Variants in U2SURP observed in about 807,000 individuals in gnomAD.
The protein encoded by U2SURP is U2 snRNP-associated SURP motif-containing protein.
In U2SURP, 9 loss-of-function variants were observed where a neutral mutation model predicts 144.9. The observed-to-expected ratio is 0.06, with a 90% CI of 0.04 to 0.11. The LOEUF (loss-of-function observed/expected upper bound fraction) is 0.11. U2SURP is among the 10% of genes least tolerant of loss of function. The pLI, the probability that U2SURP is intolerant of heterozygous loss-of-function variation, is 1.00. For missense variants in U2SURP, 724 were observed against 1,226.7 expected, an observed-to-expected ratio of 0.59 and a Z score of 6.12; for synonymous variants, 408 against 396.8, an observed-to-expected ratio of 1.03 and a Z score of -0.33.
intron 25 of U2SURP, among the ~76,000 whole-genome samples, chr3:143,053,428 T>C (rs1934987954): frequency 1.3e-5 from 2 of 152,186 alleles, no homozygotes; most frequent in Admixed American, 6.5e-5. Context: ...CTGTTTAGTA[T>C]ATTGTTTGGC....
intron 27 of U2SURP, 28 bp from the exon 28 acceptor site, chr3:143,056,284 A>G (rs369450421): frequency 2.0e-5 from 32 of 1,577,158 alleles, no homozygotes; most frequent in Middle Eastern, 3.6e-4. Flanking sequence ...TACTTTATCA[A>G]TTGGGATTTT....
At chr3:143,037,998 C>A in intron 21 of U2SURP, 110 bp from the exon 22 acceptor site, 1 of 663,626 alleles carries the variant, frequency 1.5e-6, no homozygotes, top group Non-Finnish European at 2.4e-6. Context: ...ATTTGTCCAT[C>A]TGTGTCCTTA....
At chr3:143,032,360 C>T (rs867140641) in intron 16 of U2SURP, among the ~76,000 whole-genome samples, 18 of 152,054 alleles carry the variant, frequency 1.2e-4, no homozygotes, top group Admixed American at 5.9e-4. Context: ...CATGAGCCAC[C>T]GCACCCAGCC....
At chr3:143,019,260 G>A (rs1020607901) in intron 6 of U2SURP, among the ~76,000 whole-genome samples, 1 of 152,132 alleles carries the variant, frequency 6.6e-6, no homozygotes, top group Non-Finnish European at 1.5e-5. Context: ...ATGGAAGCAT[G>A]GAGGTTTTAA....
intron 24 of U2SURP, among the ~76,000 whole-genome samples, chr3:143,047,873 G>C (rs1437096476): frequency 4.7e-5 from 4 of 84,332 alleles, no homozygotes; most frequent in Non-Finnish European, 9.4e-5. Context: ...CTGGCCGGGC[G>C]GGGGGCTGAC....
At chr3:143,045,739 T>A (rs552046980) in intron 24 of U2SURP, among the ~76,000 whole-genome samples, 1 of 152,360 alleles carries the variant, frequency 6.6e-6, no homozygotes, top group South Asian at 2.1e-4. Flanking sequence ...GCTTTCATAG[T>A]GACTGCCTCT....
At chr3:143,055,204 A>T in intron 27 of U2SURP, 85 bp downstream of exon 27, 4 of 1,290,032 alleles carry the variant, frequency 3.1e-6, no homozygotes, top group Non-Finnish European at 3.1e-6. Flanking sequence ...TGGTTGGCAT[A>T]CATTTTTTTT....
intron 13 of U2SURP, 80 bp from the exon 14 acceptor site, chr3:143,027,069 A>G (rs1262977881): frequency 9.1e-7 from 1 of 1,104,306 alleles, no homozygotes; most frequent in East Asian, 2.4e-5. Flanking sequence ...TTTCTGCACA[A>G]TTATAGTAAC....
intron 7 of U2SURP, 57 bp from the exon 8 acceptor site, chr3:143,020,542 G>A: frequency 8.4e-7 from 1 of 1,190,586 alleles, no homozygotes; most frequent in East Asian, 2.5e-5. Flanking sequence ...GCGCTATTCT[G>A]AAATGTGAAT....
intron 4 of U2SURP, among the ~76,000 whole-genome samples, chr3:143,014,912 T>A (rs1478086153): frequency 3.3e-5 from 5 of 152,114 alleles, no homozygotes; most frequent in Non-Finnish European, 7.4e-5. Context: ...TTATGGATAA[T>A]GTTATGCATA....
chr3:143,043,938 A>C (rs911816215), intron 24 of U2SURP, among the ~76,000 whole-genome samples: 4 of 151,594 alleles, frequency 2.6e-5, no homozygotes, highest in Non-Finnish European at 5.9e-5. Context: ...TTTTTTTAGA[A>C]GAGACAGGGA....
rs558772771 is a variant in U2SURP, at chr3:143,058,375, G to C, written c.*1925G>C. 3 of 151,858 alleles carry C rather than the reference G, an allele frequency of 2.0e-5. No homozygotes were observed. The highest frequency in any genetic ancestry group is 2.0e-4 in the Admixed American group (3 of 15,232). The allele number at this position is 151,858 out of a possible 1,614,324, so 9.4% of individuals were successfully genotyped here. On this transcript the variant is annotated 3_prime_UTR_variant, in exon 28 of 28. Transcript: ENST00000473835. ...GTAGAAAATTTTAGGTCAGTTTTGG[G>C]TGCTTATTTGTAATATTTTTCCTAC...
chr3:143,056,651 T>A lies in U2SURP; in HGVS notation c.*201T>A. On this transcript the variant is annotated 3_prime_UTR_variant, in exon 28 of 28. Transcript: ENST00000473835. Reference sequence around the variant, plus strand: ...TATATTGTGTAAATTACTTTCATTGTGGCTATTTCTCAAGATGAAATTTTT... The same window carrying A: ...TATATTGTGTAAATTACTTTCATTGAGGCTATTTCTCAAGATGAAATTTTT... 1 of 534,354 alleles carries A rather than the reference T, an allele frequency of 1.9e-6. No individual in the cohort carries two copies. The allele number at this position is 534,354 out of a possible 1,614,324, so 33.1% of individuals were successfully genotyped here.
intron 16 of U2SURP, among the ~76,000 whole-genome samples, chr3:143,031,610 C>T (rs781687981): frequency 6.6e-6 from 1 of 152,202 alleles, no homozygotes; most frequent in Non-Finnish European, 1.5e-5. Context: ...TTTAGACATA[C>T]TGCTATTGCA....
intron 25 of U2SURP, among the ~76,000 whole-genome samples, chr3:143,052,222 C>G (rs1179998040): frequency 6.6e-6 from 1 of 152,086 alleles, no homozygotes; most frequent in Non-Finnish European, 1.5e-5. Context: ...TGGATAAACC[C>G]CGTCTCTACT....
chr3:143,011,963 T>G (rs1414709516), intron 2 of U2SURP: 1 of 574,322 alleles, frequency 1.7e-6, no homozygotes, highest in Non-Finnish European at 3.3e-6. Context: ...TTCTTGAAAA[T>G]GAAGGTAACG....
At chr3:143,033,217 A>G in intron 17 of U2SURP, 54 bp from the exon 18 acceptor site, 1 of 1,077,118 alleles carries the variant, frequency 9.3e-7, no homozygotes, top group Non-Finnish European at 1.4e-6. Context: ...ATTAAATTAT[A>G]GCTAAACATT....
At chr3:143,040,877 A>C (rs1934066398) in intron 23 of U2SURP, among the ~76,000 whole-genome samples, 1 of 151,890 alleles carries the variant, frequency 6.6e-6, no homozygotes, top group Non-Finnish European at 1.5e-5. Context: ...GTGTGTATAA[A>C]AACATGCATA....
intron 14 of U2SURP, 86 bp downstream of exon 14, chr3:143,027,339 A>T: frequency 2.1e-6 from 2 of 955,980 alleles, no homozygotes; most frequent in Non-Finnish European, 3.2e-6. Context: ...CAGTGTCATT[A>T]AGTACATTCA....
Sources: gnomAD v4.1 joint callset for allele counts (sites outside exome capture counted in the v4.1 genomes callset) on GRCh38, gnomAD v4.1.1 for gene constraint, MANE v1.5 for transcripts, NCBI Gene and HGNC (gene_info 2026-07-23, HGNC 2026-07-21) for gene names.